Variants in FAM216B observed in about 807,000 individuals in gnomAD.
FAM216B encodes protein FAM216B.
FAM216B carries 11 observed loss-of-function variants against 12.9 expected under a neutral mutation model. The observed-to-expected ratio is 0.86, with a 90% CI of 0.54 to 1.42. The LOEUF (loss-of-function observed/expected upper bound fraction) is 1.42. Ranked by LOEUF, FAM216B falls within the 40% of genes most tolerant of loss-of-function variation. FAM216B has a pLI of 0.00. For synonymous variants in FAM216B, 52 were observed against 57.2 expected, an observed-to-expected ratio of 0.91 and a Z score of 0.41; for missense variants, 167 against 162.9, an observed-to-expected ratio of 1.02 and a Z score of -0.14.
chr13:42,790,352 A>G lies in FAM216B; in HGVS notation c.*1562A>G, dbSNP rs1330768271. 6.6e-6 allele frequency: 1 copy of G among 151,328 alleles called. No homozygotes were observed. The highest frequency in any genetic ancestry group is 1.5e-5 in the Non-Finnish European group (1 of 67,906). 9.4% of individuals were successfully genotyped at this position (151,328 alleles called of 1,614,324 possible). On this transcript the variant is annotated 3_prime_UTR_variant, in exon 4 of 4. Transcript: ENST00000313851. ...ACTTTTTTTTTTGATGAGCATAGGT[A>G]TTTGCTGTGTAAGCCTTATCTAGTG...
chr13:42,783,279 G>A (rs1387853615), intron 1 of FAM216B, among the ~76,000 whole-genome samples: 1 of 152,228 alleles, frequency 6.6e-6, no homozygotes, highest in African/African-American at 2.4e-5. Context: ...CTGTGCTCCA[G>A]CCTGGATGAT....
At position 42,790,451 on chromosome 13, in the gene FAM216B, A is replaced by G. The variant is rs1444526669; in HGVS notation, c.*1661A>G. 1.3e-5 allele frequency: 2 copies of G among 152,172 alleles called. No individual in the cohort carries two copies. The highest frequency in any genetic ancestry group is 1.9e-4 in the East Asian group (1 of 5,194). 9.4% of individuals were successfully genotyped at this position (152,172 alleles called of 1,614,324 possible). Reference sequence around the variant, plus strand: ...ATCAAAAATCTCAGAAGCACCTTGCATCTGATAGAGGCTTGTAAGAGCAGA... The same window carrying G: ...ATCAAAAATCTCAGAAGCACCTTGCGTCTGATAGAGGCTTGTAAGAGCAGA... On this transcript the variant is annotated 3_prime_UTR_variant, in exon 4 of 4. Transcript: ENST00000313851.
rs74056887 is a variant in FAM216B at position 42,790,852 on chromosome 13, G to A, written c.*2062G>A. 663 of 152,276 alleles carry A rather than the reference G, an allele frequency of 4.4e-3. 1 individual carries two copies. Among genetic ancestry groups the A allele is most frequent in the African/African-American group, 0.015 (642 of 41,548 alleles). 9.4% of individuals were successfully genotyped at this position (152,276 alleles called of 1,614,324 possible). On this transcript the variant is annotated 3_prime_UTR_variant, in exon 4 of 4. Coordinates refer to ENST00000313851, the MANE Select transcript of FAM216B (RefSeq NM_001318932.2). ...AGCACCTAGAATGGCCCCCGGTTGC[G>A]GTAGGCAATCAATAATACTCTTTGA...
chr13:42,781,999 G>T (rs1873873786), intron 1 of FAM216B, among the ~76,000 whole-genome samples: 1 of 152,182 alleles, frequency 6.6e-6, no homozygotes, highest in African/African-American at 2.4e-5. Context: ...CAATCACAGA[G>T]AATATTACAG....
rs1874222169 is a variant in FAM216B, at chr13:42,789,353, T to A, written c.*563T>A. On this transcript the variant is annotated 3_prime_UTR_variant, in exon 4 of 4. Coordinates refer to ENST00000313851, the MANE Select transcript of FAM216B (RefSeq NM_001318932.2). ...GATCACTTTGTGTCATCTTGAAACA[T>A]GCACTTATCAGTCTACCACAGCTGA... 1 of 152,348 alleles carries A rather than the reference T, an allele frequency of 6.6e-6. No homozygotes were observed. The highest frequency in any genetic ancestry group is 1.5e-5 in the Non-Finnish European group (1 of 68,130). 9.4% of individuals were successfully genotyped at this position (152,348 alleles called of 1,614,324 possible).
Position 42,786,771 on chromosome 13 carries a change from C to T in FAM216B, c.108C>T (p.Asn36=). Residue 36 remains asparagine (N), a synonymous_variant, in exon 3 of 4, where the codon AAC becomes AAT. Coordinates refer to ENST00000313851, the MANE Select transcript of FAM216B (RefSeq NM_001318932.2). ...CTGTTCTGTTCCAACAGGCCCTCAA[C>T]CAAGGGCAACAGCGCTACTTTTACA... ...IYDTSLLKAL[N]QGQQRYFYSI... is the part of the protein sequence containing the mutation. 6.2e-7 allele frequency: 1 copy of T among 1,614,026 alleles called. No individual in the cohort carries two copies. The highest frequency in any genetic ancestry group is 1.7e-5 in the Admixed American group (1 of 60,022).
In FAM216B at chr13:42,788,484, A is replaced by T. The variant is rs144765133; in HGVS notation, c.221-107A>T. 4.4e-5 allele frequency: 38 copies of T among 871,696 alleles called. No individual in the cohort carries two copies. The African/African-American group carries it at 5.0e-4, about 11-fold the overall frequency. 54.0% of individuals were successfully genotyped at this position (871,696 alleles called of 1,614,324 possible). On this transcript the variant is annotated intron_variant, in intron 3 of 3. Coordinates refer to ENST00000313851, the MANE Select transcript of FAM216B (RefSeq NM_001318932.2). ...CATATAATCTGGGCATGCTTACCACAAGAGTAGAATAAATTTTGTACACAT... is the reference window on the plus strand; with the variant it reads ...CATATAATCTGGGCATGCTTACCACTAGAGTAGAATAAATTTTGTACACAT...
At chr13:42,788,118 C>A (rs9525683) in intron 3 of FAM216B, among the ~76,000 whole-genome samples, 23,630 of 152,010 alleles carry the variant, frequency 0.16, 1,910 homozygotes, top group Middle Eastern at 0.2. Flanking sequence ...ATAAAATCCA[C>A]CAGGTACCTT....
intron 3 of FAM216B, 67 bp from the exon 4 acceptor site, chr13:42,788,524 A>T: frequency 5.3e-6 from 7 of 1,309,586 alleles, no homozygotes; most frequent in Non-Finnish European, 7.4e-6. Flanking sequence ...AAATATTTGC[A>T]GTTTTGTTTT....
At chr13:42,784,979 G>C (rs1209456846) in intron 2 of FAM216B, among the ~76,000 whole-genome samples, 1 of 152,098 alleles carries the variant, frequency 6.6e-6, no homozygotes, top group Non-Finnish European at 1.5e-5. Flanking sequence ...TTTTACTAAG[G>C]AAAAGAGGTA....
At chr13:42,786,978 G>A in intron 3 of FAM216B, 95 bp downstream of exon 3, 1 of 1,543,712 alleles carries the variant, frequency 6.5e-7, no homozygotes, top group Non-Finnish European at 8.8e-7. Flanking sequence ...AAGCACAATG[G>A]CATCTACTGG....
rs764468709 is a variant in FAM216B at position 42,786,931 on chromosome 13, G to C, written c.220+48G>C. On this transcript the variant is annotated intron_variant, in intron 3 of 3. Coordinates refer to ENST00000313851, the MANE Select transcript of FAM216B (RefSeq NM_001318932.2). ...AACTAAGCACCTAAGGAATCAACTC[G>C]TGCTGTAGCCAGAAGTCGTTTCCAG... The C allele has an allele frequency of 3.7e-6, 6 of 1,605,442 alleles. No homozygotes were observed. In the South Asian group the frequency reaches 5.6e-5, roughly 15 times the overall value.
chr13:42,783,278 A>T (rs774746981), intron 1 of FAM216B, among the ~76,000 whole-genome samples: 1 of 152,264 alleles, frequency 6.6e-6, no homozygotes, highest in African/African-American at 2.4e-5. Context: ...ACTGTGCTCC[A>T]GCCTGGATGA....
At chr13:42,784,450 G>T (rs77950682) in intron 2 of FAM216B, among the ~76,000 whole-genome samples, 2 of 151,718 alleles carry the variant, frequency 1.3e-5, no homozygotes, top group Non-Finnish European at 2.9e-5. Flanking sequence ...CCACACTATG[G>T]CTCCCTGTTG....
intron 2 of FAM216B, among the ~76,000 whole-genome samples, chr13:42,784,853 A>AAATT (rs1337535942): frequency 0.016 from 2,447 of 150,960 alleles, 52 homozygotes; most frequent in African/African-American, 0.048. Flanking sequence ...ATAAATAAAT[A>AAATT]AATTAAAAAT....
rs1874284393 is a variant in FAM216B at position 42,790,701 on chromosome 13, T to C, written c.*1911T>C. ...AGGGGAAGGAAGAGAGGACAACCTGTAACTTTTAGAAAAGGCTACTACTTT... is the reference window on the plus strand; with the variant it reads ...AGGGGAAGGAAGAGAGGACAACCTGCAACTTTTAGAAAAGGCTACTACTTT... On this transcript the variant is annotated 3_prime_UTR_variant, in exon 4 of 4. Transcript: ENST00000313851. 6.6e-6 allele frequency: 1 copy of C among 152,190 alleles called. No homozygotes were observed. The highest frequency in any genetic ancestry group is 6.6e-5 in the Admixed American group (1 of 15,262). The allele number at this position is 152,190 out of a possible 1,614,324, so 9.4% of individuals were successfully genotyped here.
rs1191370302 is a variant in FAM216B, at chr13:42,790,635, G to C, written c.*1845G>C. 3 of 152,216 alleles carry C rather than the reference G, an allele frequency of 2.0e-5. No individual in the cohort carries two copies. Among genetic ancestry groups the C allele is most frequent in the Non-Finnish European group, 4.4e-5 (3 of 68,056 alleles). The allele number at this position is 152,216 out of a possible 1,614,324, so 9.4% of individuals were successfully genotyped here. ...AATGTGATTGGTTATGGTGCTGGGA[G>C]AAAGGGGTGCACCTGGGAGGACACT... is the stretch of plus-strand genomic sequence containing the variant. On this transcript the variant is annotated 3_prime_UTR_variant, in exon 4 of 4. Transcript: ENST00000313851.
intron 2 of FAM216B, 106 bp downstream of exon 2, chr13:42,784,272 A>G: frequency 1.3e-6 from 1 of 774,876 alleles, no homozygotes; most frequent in Non-Finnish European, 2.0e-6. Flanking sequence ...TAGCATTAAG[A>G]AGAATATTGG....
chr13:42,782,048 T>A (rs1873875157), intron 1 of FAM216B, among the ~76,000 whole-genome samples: 1 of 152,182 alleles, frequency 6.6e-6, no homozygotes, highest in African/African-American at 2.4e-5. Flanking sequence ...GAGTGCACAT[T>A]AAAGGAAAGC....
Sources: gnomAD v4.1 joint callset for allele counts (sites outside exome capture counted in the v4.1 genomes callset) on GRCh38, gnomAD v4.1.1 for gene constraint, MANE v1.5 for transcripts, NCBI Gene and HGNC (gene_info 2026-07-23, HGNC 2026-07-21) for gene names.